The following ARHGAP22 variants were observed in gnomAD, a reference collection of about 807,000 sequenced individuals.
ARHGAP22 encodes the protein Rho GTPase activating protein 22.
Under a neutral mutation model 59.1 loss-of-function variants are expected in ARHGAP22, and 48 were observed. The observed-to-expected ratio is 0.81, with a 90% CI of 0.64 to 1.03. The LOEUF is 1.03. Ranked by LOEUF, ARHGAP22 falls within the 50% of genes least tolerant of loss-of-function variation. The pLI, the probability that ARHGAP22 is intolerant of heterozygous loss-of-function variation, is 0.00. For missense variants in ARHGAP22, 1,015 were observed against 958.7 expected (o/e 1.06, Z -0.78); for synonymous variants, 445 against 416.4 (o/e 1.07, Z -0.84).
intron 1 of ARHGAP22, among the ~76,000 whole-genome samples, chr10:48,610,966 C>A (rs1462944820): frequency 6.6e-6 from 1 of 152,218 alleles, no homozygotes; most frequent in Admixed American, 6.5e-5. Flanking sequence ...CCATGCCTAC[C>A]ACACTTGGGC....
At chr10:48,565,641 G>A (rs961557106) in intron 2 of ARHGAP22, among the ~76,000 whole-genome samples, 3 of 152,190 alleles carry the variant, frequency 2.0e-5, no homozygotes, top group African/African-American at 7.2e-5. Flanking sequence ...GTAGAACACA[G>A]ACAGGTGTGT....
intron 3 of ARHGAP22, among the ~76,000 whole-genome samples, chr10:48,497,889 G>A (rs1289911823): frequency 1.3e-5 from 2 of 152,182 alleles, no homozygotes; most frequent in Non-Finnish European, 2.9e-5. Context: ...AGGAGAAGGG[G>A]GCCATTCCAG....
At chr10:48,621,584 GAT>G (rs2061288011) in intron 1 of ARHGAP22, among the ~76,000 whole-genome samples, 1 of 152,164 alleles carries the variant, frequency 6.6e-6, no homozygotes, top group Non-Finnish European at 1.5e-5. Context: ...TTCATCCCTA[GAT>G]ATTACATTTG....
intron 2 of ARHGAP22, among the ~76,000 whole-genome samples, chr10:48,577,801 GTTTTTTTTTTTT>G (rs34557935): frequency 1.0e-4 from 6 of 59,164 alleles, no homozygotes; most frequent in Admixed American, 2.9e-4. Context: ...CTCTTTTTTG[GTTTTTTTTTTTT>G]TTTTTTTTTT....
upstream of ARHGAP22, among the ~76,000 whole-genome samples, chr10:48,653,613 G>A (rs1448249297): frequency 6.6e-6 from 1 of 152,222 alleles, no homozygotes; most frequent in Non-Finnish European, 1.5e-5. Context: ...GAAGAGAGCA[G>A]CAAGGGCCAA....
At chr10:48,614,458 A>G (rs1487455029) in intron 1 of ARHGAP22, among the ~76,000 whole-genome samples, 1 of 152,232 alleles carries the variant, frequency 6.6e-6, no homozygotes, top group Non-Finnish European at 1.5e-5. Flanking sequence ...CCCCTTATGA[A>G]AAAAGCCCCA....
chr10:48,644,456 T>C (rs933415622), intron 1 of ARHGAP22, among the ~76,000 whole-genome samples: 3 of 152,210 alleles, frequency 2.0e-5, no homozygotes, highest in African/African-American at 7.2e-5. Context: ...CATAGGGCAC[T>C]CCTAACAATG....
upstream of ARHGAP22, among the ~76,000 whole-genome samples, chr10:48,605,989 G>C (rs762391643): frequency 6.6e-6 from 1 of 152,156 alleles, no homozygotes; most frequent in African/African-American, 2.4e-5. Context: ...CTCCTGGCTT[G>C]AGCCCCCGAT....
chr10:48,458,491 A>G (rs1867574), intron 5 of ARHGAP22, among the ~76,000 whole-genome samples: 137,900 of 152,108 alleles, frequency 0.91, 63,901 homozygotes, highest in East Asian at 1. Flanking sequence ...GGTGAGGCGC[A>G]GACGGCCTGT....
intron 1 of ARHGAP22, among the ~76,000 whole-genome samples, chr10:48,636,422 A>T (rs777599513): frequency 1.3e-5 from 2 of 152,140 alleles, no homozygotes; most frequent in East Asian, 3.9e-4. Flanking sequence ...GTCCTCTTCC[A>T]GGAATGTCTG....
At chr10:48,543,847 C>A (rs546652250) in intron 3 of ARHGAP22, among the ~76,000 whole-genome samples, 2 of 152,156 alleles carry the variant, frequency 1.3e-5, no homozygotes, top group African/African-American at 4.8e-5. Context: ...AGAGGCTGGG[C>A]GTGGTGGCTC....
intron 3 of ARHGAP22, among the ~76,000 whole-genome samples, chr10:48,539,291 A>ATTTTTTTTTTTTTTTTTTT (rs56801787): frequency 4.4e-5 from 6 of 136,262 alleles, no homozygotes; most frequent in African/African-American, 1.7e-4. Flanking sequence ...GAAGGGTAAC[A>ATTTTTTTTTTTTTTTTTTT]TTTTTTTTTT....
At chr10:48,547,543 G>T (rs981922517) in intron 3 of ARHGAP22, among the ~76,000 whole-genome samples, 1 of 152,180 alleles carries the variant, frequency 6.6e-6, no homozygotes, top group African/African-American at 2.4e-5. Context: ...GAGAAATATG[G>T]GGCTCCCAGC....
chr10:48,454,481 C>T (rs1180845327), intron 6 of ARHGAP22, among the ~76,000 whole-genome samples: 1 of 152,230 alleles, frequency 6.6e-6, no homozygotes, highest in African/African-American at 2.4e-5. Flanking sequence ...TCATCTCCCA[C>T]ATGGCCGCAG....
chr10:48,537,127 C>T (rs566726623), intron 3 of ARHGAP22, among the ~76,000 whole-genome samples: 34 of 152,214 alleles, frequency 2.2e-4, no homozygotes, highest in Non-Finnish European at 4.0e-4. Flanking sequence ...AGAAGGTTAG[C>T]TTCTCTTAAT....
chr10:48,469,519 G>C (rs962337572), intron 4 of ARHGAP22, among the ~76,000 whole-genome samples: 1 of 152,194 alleles, frequency 6.6e-6, no homozygotes, highest in African/African-American at 2.4e-5. Flanking sequence ...CTTAGGGACT[G>C]CCTCTTCCTT....
At chr10:48,570,367 G>A (rs1249397763) in intron 2 of ARHGAP22, among the ~76,000 whole-genome samples, 2 of 152,148 alleles carry the variant, frequency 1.3e-5, no homozygotes, top group Non-Finnish European at 2.9e-5. Context: ...TTTAAAAAAG[G>A]AAATATCTGT....
intron 1 of ARHGAP22, among the ~76,000 whole-genome samples, chr10:48,597,688 G>A (rs1302267102): frequency 6.6e-6 from 1 of 152,166 alleles, no homozygotes; most frequent in Non-Finnish European, 1.5e-5. Context: ...CTTTGTTCAG[G>A]GGCTGATGGC....
At chr10:48,649,847 T>C (rs943622914) in intron 1 of ARHGAP22, among the ~76,000 whole-genome samples, 1 of 152,084 alleles carries the variant, frequency 6.6e-6, no homozygotes, top group Non-Finnish European at 1.5e-5. Context: ...TGTGGCAAGA[T>C]TGTGGACAAA....
Sources: gnomAD v4.1 joint callset for allele counts (sites outside exome capture counted in the v4.1 genomes callset) on GRCh38, gnomAD v4.1.1 for gene constraint, MANE v1.5 for transcripts, NCBI Gene and HGNC (gene_info 2026-07-23, HGNC 2026-07-21) for gene names.